CSMD1: variants seen among roughly 807,000 people sequenced by gnomAD.
CSMD1 encodes CUB and sushi domain-containing protein 1.
A neutral mutation model predicts 417.5 loss-of-function variants in CSMD1; 213 were observed. The ratio of observed to expected loss-of-function variants is 0.51; its 90% CI spans 0.46 to 0.57. The LOEUF (loss-of-function observed/expected upper bound fraction) is 0.57, where lower values mean the gene tolerates loss of function less well. CSMD1 is among the 20% of genes least tolerant of loss of function. The pLI is 0.00. For missense variants in CSMD1, 6,923 were observed against 4,529.7 expected, an observed-to-expected ratio of 1.53 and a Z score of -15.17; for synonymous variants, 2,862 against 1,736.8, an observed-to-expected ratio of 1.65 and a Z score of -16.11.
intron 5 of CSMD1, among the ~76,000 whole-genome samples, chr8:3,962,272 G>A (rs899366068): frequency 6.6e-6 from 1 of 151,940 alleles, no homozygotes; most frequent in African/African-American, 2.4e-5. Flanking sequence ...AGGTTCTTCT[G>A]TCCTGGAACT....
At chr8:4,406,806 G>A (rs923296406) in intron 3 of CSMD1, among the ~76,000 whole-genome samples, 19 of 152,188 alleles carry the variant, frequency 1.2e-4, no homozygotes, top group African/African-American at 2.9e-4. Context: ...TGATGAAGGT[G>A]ACTAACAAAG....
chr8:4,099,157 A>G (rs553272875), intron 3 of CSMD1, among the ~76,000 whole-genome samples: 30 of 151,360 alleles, frequency 2.0e-4, no homozygotes, highest in East Asian at 1.2e-3. Context: ...CCAACCATGC[A>G]TATGTCTTAT....
chr8:4,984,936 C>T (rs1464379472), intron 1 of CSMD1, among the ~76,000 whole-genome samples: 1 of 152,052 alleles, frequency 6.6e-6, no homozygotes, highest in African/African-American at 2.4e-5. Flanking sequence ...ATCCGGAAGA[C>T]CACTGGCAAA....
intron 5 of CSMD1, among the ~76,000 whole-genome samples, chr8:3,889,452 C>CAT (rs1171842639): frequency 0.025 from 1,136 of 45,336 alleles, 35 homozygotes; most frequent in African/African-American, 0.034. Flanking sequence ...CTGATCTTTC[C>CAT]ATATATATAT....
At position 3,343,342 on chromosome 8, in the gene CSMD1, T is replaced by G. The variant is rs770245799; in HGVS notation, c.3583A>C (p.Asn1195His). The change falls in exon 23 of 70, where the codon AAC becomes CAC. Residue 1195 changes from asparagine to histidine, a missense_variant. Asn to His is a moderately conservative substitution (Grantham distance 68, BLOSUM62 1). Transcript: ENST00000635120. ...TGGTCGGTGTCAGATCCATTGGTGT[T>G]GAACTCTAGCCACAGGTGATTGGAT... ...STSNHLWLEF[N>H]TNGSDTDQGF... The G allele has an allele frequency of 2.9e-5, 46 of 1,613,880 alleles. No individual in the cohort carries two copies. The highest frequency in any genetic ancestry group is 3.9e-5 in the Non-Finnish European group (46 of 1,179,766).
chr8:4,081,220 C>A (rs112442920), intron 3 of CSMD1, among the ~76,000 whole-genome samples: 1 of 152,132 alleles, frequency 6.6e-6, no homozygotes, highest in Non-Finnish European at 1.5e-5. Flanking sequence ...TTTTGTTATG[C>A]AGCAGGAACA....
intron 7 of CSMD1, among the ~76,000 whole-genome samples, chr8:3,618,748 G>T (rs1802270960): frequency 6.6e-6 from 1 of 152,104 alleles, no homozygotes; most frequent in African/African-American, 2.4e-5. Flanking sequence ...AATGCCCAAT[G>T]AAGAAAAAGA....
intron 5 of CSMD1, among the ~76,000 whole-genome samples, chr8:3,968,875 G>C (rs528889608): frequency 8.5e-5 from 13 of 152,108 alleles, no homozygotes; most frequent in Non-Finnish European, 1.6e-4. Flanking sequence ...ATCTTTTCTT[G>C]CAAGAAAGAT....
At chr8:4,310,356 A>G (rs559771335) in intron 3 of CSMD1, among the ~76,000 whole-genome samples, 1 of 152,156 alleles carries the variant, frequency 6.6e-6, no homozygotes, top group Non-Finnish European at 1.5e-5. Flanking sequence ...TATCTTGGTC[A>G]AAGGGTTCAC....
intron 4 of CSMD1, among the ~76,000 whole-genome samples, chr8:4,025,423 A>G (rs984473836): frequency 6.6e-6 from 1 of 152,226 alleles, no homozygotes; most frequent in African/African-American, 2.4e-5. Context: ...TACCATTATT[A>G]TTTAATAATT....
intron 3 of CSMD1, among the ~76,000 whole-genome samples, chr8:4,129,090 AAAC>A (rs1392020470): frequency 1.6e-4 from 24 of 150,568 alleles, no homozygotes; most frequent in South Asian, 4.2e-4. Flanking sequence ...AAAAAAAAAA[AAAC>A]AAAACAAAAA....
chr8:4,544,057 T>G (rs946751576), intron 2 of CSMD1, among the ~76,000 whole-genome samples: 1 of 152,202 alleles, frequency 6.6e-6, no homozygotes, highest in Admixed American at 6.6e-5. Context: ...TTGCAATTAC[T>G]TTTCCCAGTC....
intron 3 of CSMD1, among the ~76,000 whole-genome samples, chr8:4,287,384 G>C (rs1007253700): frequency 2.0e-5 from 3 of 152,046 alleles, no homozygotes; most frequent in African/African-American, 7.2e-5. Context: ...CAATGTAATG[G>C]AACAACATCC....
chr8:3,283,337 G>C (rs911063764), intron 26 of CSMD1, among the ~76,000 whole-genome samples: 5 of 152,122 alleles, frequency 3.3e-5, no homozygotes, highest in African/African-American at 1.2e-4. Flanking sequence ...GGCTGGGTTA[G>C]GGGAGCCCTG....
intron 12 of CSMD1, among the ~76,000 whole-genome samples, chr8:3,410,050 C>T (rs1028914928): frequency 1.3e-5 from 2 of 152,022 alleles, no homozygotes; most frequent in Admixed American, 1.3e-4. Context: ...ATATTCTTTC[C>T]CTAAAATGAA....
intron 1 of CSMD1, among the ~76,000 whole-genome samples, chr8:4,785,437 C>A (rs781696347): frequency 6.6e-6 from 1 of 152,124 alleles, no homozygotes; most frequent in Non-Finnish European, 1.5e-5. Flanking sequence ...TGGGTTAGAT[C>A]ACCATTAGCT....
At chr8:4,885,608 T>G (rs1803685878) in intron 1 of CSMD1, among the ~76,000 whole-genome samples, 1 of 152,138 alleles carries the variant, frequency 6.6e-6, no homozygotes, top group East Asian at 1.9e-4. Flanking sequence ...TCCTTTATCC[T>G]GTTGATATAG....
intron 5 of CSMD1, among the ~76,000 whole-genome samples, chr8:3,880,842 C>A (rs141806087): frequency 6.6e-6 from 1 of 152,184 alleles, no homozygotes. Flanking sequence ...TAATGACCTG[C>A]GCATTTATAT....
chr8:4,180,555 T>C (rs1798305888), intron 3 of CSMD1, among the ~76,000 whole-genome samples: 1 of 151,622 alleles, frequency 6.6e-6, no homozygotes, highest in South Asian at 2.1e-4. Flanking sequence ...TGTGCACATG[T>C]ACCCTAAAAC....
Sources: gnomAD v4.1 joint callset for allele counts (sites outside exome capture counted in the v4.1 genomes callset) on GRCh38, gnomAD v4.1.1 for gene constraint, MANE v1.5 for transcripts, NCBI Gene and HGNC (gene_info 2026-07-23, HGNC 2026-07-21) for gene names.